The following PTPRG variants were observed in gnomAD, a reference collection of about 807,000 sequenced individuals.
PTPRG encodes the protein receptor-type tyrosine-protein phosphatase gamma.
Under a neutral mutation model 165.3 loss-of-function variants are expected in PTPRG, and 102 were observed. The observed-to-expected ratio is 0.62, with a 90% CI of 0.53 to 0.73. The LOEUF (loss-of-function observed/expected upper bound fraction) is 0.73. Ranked by LOEUF, PTPRG falls within the 30% of genes least tolerant of loss-of-function variation. The pLI, the probability that PTPRG is intolerant of heterozygous loss-of-function variation, is 0.00. For missense variants in PTPRG, 1,866 were observed against 1,861.4 expected, an observed-to-expected ratio of 1.00 and a Z score of -0.05; for synonymous variants, 675 against 669.5, an observed-to-expected ratio of 1.01 and a Z score of -0.13.
intron 8 of PTPRG, among the ~76,000 whole-genome samples, chr3:62,169,564 C>T (rs949601515): frequency 6.6e-6 from 1 of 152,070 alleles, no homozygotes; most frequent in Non-Finnish European, 1.5e-5. Flanking sequence ...CTCTCAGGCT[C>T]TGGGATTTAT....
chr3:62,028,699 ATTGT>A (rs962781394), intron 4 of PTPRG, among the ~76,000 whole-genome samples: 6 of 152,196 alleles, frequency 3.9e-5, no homozygotes, highest in Non-Finnish European at 4.4e-5. Flanking sequence ...ACATAAAAAG[ATTGT>A]TTATTTTTAA....
At chr3:61,940,247 G>C (rs2046030) in intron 2 of PTPRG, among the ~76,000 whole-genome samples, 11,413 of 152,174 alleles carry the variant, frequency 0.075, 1,274 homozygotes, top group African/African-American at 0.25. Context: ...ACCGTGCCCA[G>C]GCACTGACTT....
intron 2 of PTPRG, among the ~76,000 whole-genome samples, chr3:61,843,680 C>T (rs776143002): frequency 1.3e-5 from 2 of 152,024 alleles, no homozygotes; most frequent in African/African-American, 4.8e-5. Context: ...TTTATTCTAT[C>T]GGCAGGTTTC....
intron 2 of PTPRG, among the ~76,000 whole-genome samples, chr3:61,826,653 T>C (rs2036122006): frequency 6.6e-6 from 1 of 152,134 alleles, no homozygotes; most frequent in Non-Finnish European, 1.5e-5. Context: ...CTAAGTATGA[T>C]TTTTTACAGT....
intron 2 of PTPRG, among the ~76,000 whole-genome samples, chr3:61,801,243 C>G (rs1282910826): frequency 6.6e-6 from 1 of 152,042 alleles, no homozygotes; most frequent in African/African-American, 2.4e-5. Context: ...ACACAGACGC[C>G]CTCAGGTGCT....
chr3:62,137,514 C>T lies in PTPRG; in HGVS notation c.682+4846C>T, dbSNP rs1172188801. ...GCGTGGTCATGGAGAAGAATTGGGC[C>T]CTTTCTGTCGACCAGTGCTGGCTGC... On this transcript the variant is annotated intron_variant, in intron 6 of 29. Coordinates refer to ENST00000474889, the MANE Select transcript of PTPRG (RefSeq NM_002841.4). Among the ~76,000 whole-genome samples, 38 of 151,996 alleles carry T rather than the reference C, an allele frequency of 2.5e-4. 1 individual carries two copies. The highest frequency in any genetic ancestry group is 1.5e-5 in the Non-Finnish European group (1 of 68,014).
intron 2 of PTPRG, among the ~76,000 whole-genome samples, chr3:61,766,788 TA>T (rs1183310086): frequency 2.6e-5 from 4 of 151,964 alleles, no homozygotes; most frequent in African/African-American, 9.7e-5. Flanking sequence ...AGCTAATGTT[TA>T]TTGTATTTTT....
chr3:61,786,136 C>A (rs1159029335), intron 2 of PTPRG, among the ~76,000 whole-genome samples: 1 of 152,156 alleles, frequency 6.6e-6, no homozygotes, highest in Non-Finnish European at 1.5e-5. Flanking sequence ...TAAAGACAAA[C>A]AAACATATTT....
At chr3:62,044,548 A>AG (rs1022966830) in intron 4 of PTPRG, among the ~76,000 whole-genome samples, 3 of 151,962 alleles carry the variant, frequency 2.0e-5, no homozygotes, top group African/African-American at 7.3e-5. Flanking sequence ...CAAAAAAAAA[A>AG]GGAAAAAAAA....
chr3:62,089,392 T>A (rs1701855515), intron 5 of PTPRG, among the ~76,000 whole-genome samples: 1 of 152,258 alleles, frequency 6.6e-6, no homozygotes, highest in Non-Finnish European at 1.5e-5. Flanking sequence ...AACATCTTGA[T>A]CTTGGTAACA....
At chr3:62,242,765 C>G (rs920381581) in intron 14 of PTPRG, among the ~76,000 whole-genome samples, 3 of 152,120 alleles carry the variant, frequency 2.0e-5, no homozygotes, top group African/African-American at 7.2e-5. Context: ...GCAAAGACAA[C>G]TGTGAAGAAA....
intron 1 of PTPRG, among the ~76,000 whole-genome samples, chr3:61,583,839 CTG>C (rs1220998581): frequency 6.6e-6 from 1 of 152,176 alleles, no homozygotes; most frequent in Non-Finnish European, 1.5e-5. Flanking sequence ...GTTGGTGTCT[CTG>C]AGATGTCCAA....
In PTPRG at chr3:62,125,740, A is replaced by G. The variant is rs151165200; in HGVS notation, c.616-6862A>G. Reference sequence around the variant, plus strand: ...ACAATATCTGTGTGAAACAGTTTGCAACGTAGCTTAAGACTCTAGGTCATG... The same window carrying G: ...ACAATATCTGTGTGAAACAGTTTGCGACGTAGCTTAAGACTCTAGGTCATG... On this transcript the variant is annotated intron_variant, in intron 5 of 29. Transcript: ENST00000474889. Among the ~76,000 whole-genome samples the G allele has an allele frequency of 2.2e-3, 331 of 151,218 alleles. 2 individuals are homozygous for G. The highest frequency in any genetic ancestry group is 7.5e-3 in the African/African-American group (309 of 41,110).
At chr3:61,813,741 C>T (rs1271885839) in intron 2 of PTPRG, among the ~76,000 whole-genome samples, 5 of 151,960 alleles carry the variant, frequency 3.3e-5, no homozygotes, top group Non-Finnish European at 7.4e-5. Flanking sequence ...TCTAACAAGC[C>T]TATGATGAAG....
At chr3:61,984,646 A>T (rs184770884) in intron 2 of PTPRG, among the ~76,000 whole-genome samples, 3 of 152,370 alleles carry the variant, frequency 2.0e-5, no homozygotes, top group Admixed American at 2.0e-4. Context: ...TGACCTTTTG[A>T]CAAGGACCTA....
At chr3:62,025,911 G>A (rs2041793683) in intron 4 of PTPRG, among the ~76,000 whole-genome samples, 1 of 151,780 alleles carries the variant, frequency 6.6e-6, no homozygotes, top group Non-Finnish European at 1.5e-5. Context: ...ATATTTTACT[G>A]ATACATTTCT....
intron 7 of PTPRG, among the ~76,000 whole-genome samples, chr3:62,166,175 C>CTGCA (rs2106727551): frequency 1.0e-5 from 1 of 95,514 alleles, no homozygotes; most frequent in South Asian, 3.7e-4. Context: ...TTTTTGGTGG[C>CTGCA]TGCATATTTC....
In PTPRG at chr3:62,237,553, G is replaced by A. The variant is rs2106937319; in HGVS notation, c.2375+6242G>A. Among the ~76,000 whole-genome samples, 1 of 152,282 alleles carries A rather than the reference G, an allele frequency of 6.6e-6. No individual in the cohort carries two copies. The highest frequency in any genetic ancestry group is 2.1e-4 in the South Asian group (1 of 4,828). ...ACATCCTGACTAAAAGATGTACTCTGCACGTTGTGTGTGCTCTGTTTTCCC... is the reference window on the plus strand; with the variant it reads ...ACATCCTGACTAAAAGATGTACTCTACACGTTGTGTGTGCTCTGTTTTCCC... On this transcript the variant is annotated intron_variant, in intron 14 of 29. Coordinates refer to ENST00000474889, the MANE Select transcript of PTPRG (RefSeq NM_002841.4). The surrounding 1 kb of genome is among the most constrained non-coding windows in gnomAD (Gnocchi z 4.5).
chr3:62,063,325 C>A (rs548188522), intron 4 of PTPRG, among the ~76,000 whole-genome samples: 198 of 152,290 alleles, frequency 1.3e-3, no homozygotes, highest in African/African-American at 4.5e-3. Context: ...GCCCACTGTT[C>A]TTTTTACCAC....
Sources: gnomAD v4.1 joint callset for allele counts (sites outside exome capture counted in the v4.1 genomes callset) on GRCh38, gnomAD v4.1.1 for gene constraint, Gnocchi (gnomAD v3.1) non-coding constraint, MANE v1.5 for transcripts, NCBI Gene and HGNC (gene_info 2026-07-23, HGNC 2026-07-21) for gene names.